The following CAPN7 variants were observed in gnomAD, a reference collection of about 807,000 sequenced individuals.
The protein encoded by CAPN7 is calpain-7.
A neutral mutation model predicts 115.2 loss-of-function variants in CAPN7; 72 were observed. That is an observed-to-expected ratio of 0.63 (90% CI 0.52 to 0.76). The LOEUF (loss-of-function observed/expected upper bound fraction) is 0.76. CAPN7 is among the 30% of genes least tolerant of loss of function. CAPN7 has a pLI of 0.00. For missense variants in CAPN7, 905 were observed against 971.5 expected, an observed-to-expected ratio of 0.93 and a Z score of 0.91; for synonymous variants, 344 against 322.3, an observed-to-expected ratio of 1.07 and a Z score of -0.72.
intron 1 of CAPN7, among the ~76,000 whole-genome samples, chr3:15,210,186 A>G (rs1489097763): frequency 6.6e-6 from 1 of 151,670 alleles, no homozygotes; most frequent in African/African-American, 2.4e-5. Context: ...TTTTCCAGAA[A>G]TGGGGATTTC....
At chr3:15,233,424 A>G (rs562458326) in intron 10 of CAPN7, among the ~76,000 whole-genome samples, 2 of 152,332 alleles carry the variant, frequency 1.3e-5, no homozygotes, top group African/African-American at 4.8e-5. Flanking sequence ...TTCCCAGCCT[A>G]TACTTTCAAT....
intron 6 of CAPN7, among the ~76,000 whole-genome samples, chr3:15,224,265 AT>A (rs113901975): frequency 0.18 from 26,274 of 145,096 alleles, 3,921 homozygotes; most frequent in African/African-American, 0.41. Flanking sequence ...GATGTCCCAA[AT>A]TTTTTTTTTT....
chr3:15,244,162 CT>C (rs1489193883), intron 16 of CAPN7, among the ~76,000 whole-genome samples: 3 of 152,156 alleles, frequency 2.0e-5, no homozygotes. Context: ...TGGTTTAAGT[CT>C]TACTTTGTTT....
At position 15,247,342 on chromosome 3, in the gene CAPN7, A is replaced by C; in HGVS notation, c.2089A>C (p.Ser697Arg). 1 of 1,572,926 alleles carries C rather than the reference A, an allele frequency of 6.4e-7. No individual in the cohort carries two copies. The highest frequency in any genetic ancestry group is 8.6e-7 in the Non-Finnish European group (1 of 1,163,920). The change falls in exon 19 of 21, where the codon AGT (serine) becomes CGT (arginine). Residue 697 changes from serine to arginine, a missense_variant. Physicochemically the swap from Ser to Arg is moderately radical, Grantham distance 110. This residue lies in a region of CAPN7 where 620 missense variants were observed against 703.4 expected (regional missense o/e 0.88). Coordinates refer to ENST00000253693, the MANE Select transcript of CAPN7 (RefSeq NM_014296.3). ...TLSKRINGKW[S>R]GQSAGGCGNF... ...TTTTTATTAGATTAATGGAAAGTGG[A>C]GTGGTCAGAGTGCTGGAGGATGTGG...
chr3:15,217,406 ATT>A lies in CAPN7; in HGVS notation c.212-11_212-10del. 1.3e-6 allele frequency: 2 copies of A among 1,539,818 alleles called. No homozygotes were observed. Among genetic ancestry groups the A allele is most frequent in the East Asian group, 2.3e-5 (1 of 42,606 alleles). ...TATTTAGATAATACTCCTTCTGCGT[ATT>A]TTTTTTTCTATCCTAGTTCAGTCAA... On this transcript the variant is annotated splice_polypyrimidine_tract_variant and intron_variant, in intron 2 of 20. Transcript: ENST00000253693.
At chr3:15,241,647 T>C (rs1695357794) in intron 15 of CAPN7, 59 bp downstream of exon 15, 2 of 1,466,054 alleles carry the variant, frequency 1.4e-6, no homozygotes, top group African/African-American at 1.4e-5. Flanking sequence ...AGTTAGAACA[T>C]TGTGAAAGAC....
At chr3:15,229,277 T>C (rs549146084) in intron 8 of CAPN7, among the ~76,000 whole-genome samples, 26 of 152,308 alleles carry the variant, frequency 1.7e-4, no homozygotes, top group African/African-American at 6.0e-4. Flanking sequence ...TTAATGTGTT[T>C]TGAAATAAAT....
At chr3:15,207,119 CA>C (rs1339263406) in intron 1 of CAPN7, among the ~76,000 whole-genome samples, 1 of 152,192 alleles carries the variant, frequency 6.6e-6, no homozygotes, top group African/African-American at 2.4e-5. Context: ...AAAGCGCTTA[CA>C]CAAGCCTGAA....
intron 9 of CAPN7, among the ~76,000 whole-genome samples, chr3:15,231,347 G>A (rs1694674718): frequency 6.6e-6 from 1 of 152,126 alleles, no homozygotes; most frequent in Non-Finnish European, 1.5e-5. Flanking sequence ...TGATGCTGAT[G>A]TTGTTGTCTA....
At chr3:15,240,686 C>T in intron 13 of CAPN7, 68 bp from the exon 14 acceptor site, 1 of 1,539,794 alleles carries the variant, frequency 6.5e-7, no homozygotes. Flanking sequence ...CAAGACAAAA[C>T]ATGTGTAACT....
chr3:15,226,032 T>A (rs529992066), intron 6 of CAPN7, among the ~76,000 whole-genome samples: 15 of 152,172 alleles, frequency 9.9e-5, no homozygotes, highest in Non-Finnish European at 1.9e-4. Flanking sequence ...ACTTTTAAAA[T>A]AATAAAATAA....
rs542945889 is a variant in CAPN7, at chr3:15,248,656, T to C, written c.2204+1199T>C. On this transcript the variant is annotated intron_variant, in intron 19 of 20. Transcript: ENST00000253693. The stretch of plus-strand genomic sequence containing the variant: ...AAATGATTAAGTTGTATATATGTTT[T>C]ACTTAAGTGTTATATTTCATAGTTT... 1.6e-3 allele frequency among the ~76,000 whole-genome samples: 251 copies of C among 152,300 alleles called. 1 individual carries two copies. The highest frequency in any genetic ancestry group is 5.3e-3 in the African/African-American group (221 of 41,556).
rs1472136322 is a variant in CAPN7 at position 15,247,462 on chromosome 3, G to A, written c.2204+5G>A. The A allele has an allele frequency of 6.3e-7, 1 of 1,580,912 alleles. No homozygotes were observed. The highest frequency in any genetic ancestry group is 1.4e-5 in the African/African-American group (1 of 72,506). On this transcript the variant is annotated splice_donor_5th_base_variant and intron_variant, in intron 19 of 20. Coordinates refer to ENST00000253693, the MANE Select transcript of CAPN7 (RefSeq NM_014296.3). ...GATTGAGCTACGAGGACCAAGGTTT[G>A]TGATGAGTAACTTTCTTAAATTAAT...
intron 1 of CAPN7, among the ~76,000 whole-genome samples, chr3:15,207,263 A>T (rs1288937299): frequency 6.6e-6 from 1 of 152,206 alleles, no homozygotes; most frequent in Non-Finnish European, 1.5e-5. Flanking sequence ...GCATCTAAAC[A>T]TAGAAAAGGT....
intron 8 of CAPN7, 87 bp downstream of exon 8, chr3:15,229,146 G>A: frequency 1.1e-6 from 1 of 894,520 alleles, no homozygotes; most frequent in Admixed American, 1.9e-5. Context: ...TATAGAAAGT[G>A]GAGAGGGCAT....
At chr3:15,215,201 G>A (rs2045178463) in intron 2 of CAPN7, among the ~76,000 whole-genome samples, 1 of 151,998 alleles carries the variant, frequency 6.6e-6, no homozygotes, top group African/African-American at 2.4e-5. Flanking sequence ...AAGGCAGAAG[G>A]GTCACTTGAG....
In CAPN7 at chr3:15,206,288, C is replaced by CG. The variant is rs1325885695; in HGVS notation, c.-208_-207insG. 1.3e-5 allele frequency: 6 copies of CG among 450,050 alleles called. No individual in the cohort carries two copies. Among genetic ancestry groups the CG allele is most frequent in the Non-Finnish European group, 1.6e-5 (4 of 253,796 alleles). 27.9% of individuals were successfully genotyped at this position (450,050 alleles called of 1,614,324 possible). A position where few individuals can be genotyped will look rare whatever the true frequency, so the allele number is the denominator to read the frequency against. On this transcript the variant is annotated 5_prime_UTR_variant, in exon 1 of 21. Coordinates refer to ENST00000253693, the MANE Select transcript of CAPN7 (RefSeq NM_014296.3). ...CGAAGTGGGGCGGCCGGGTGGGCTA[C>CG]AAGCCGGGTCTGGGCTGAGGGGCGC...
In CAPN7 at chr3:15,210,596, C is replaced by CTTTTTTTTT. The variant is rs371169868; in HGVS notation, c.103-1499_103-1491dup. Among the ~76,000 whole-genome samples the CTTTTTTTTT allele has an allele frequency of 4.4e-4, 46 of 104,422 alleles. 7 individuals carry two copies. The highest frequency in any genetic ancestry group is 2.2e-3 in the African/African-American group (36 of 16,474). 68.5% of individuals were successfully genotyped at this position (104,422 alleles called of 152,430 possible). Reference sequence around the variant, plus strand: ...TTTTCATTCCTTCCTTGCTTCCTTCCTTTTTTTTTTTTTTTTTGGACAGTA... The same window carrying CTTTTTTTTT: ...TTTTCATTCCTTCCTTGCTTCCTTCCTTTTTTTTTTTTTTTTTTTTTTTTTTGGACAGTA... On this transcript the variant is annotated intron_variant, in intron 1 of 20. Transcript: ENST00000253693.
intron 9 of CAPN7, 29 bp from the exon 10 acceptor site, chr3:15,232,490 C>A: frequency 6.4e-7 from 1 of 1,569,280 alleles, no homozygotes; most frequent in Non-Finnish European, 8.6e-7. Flanking sequence ...TTTTGTGCAC[C>A]TAAGAAGGTT....
Sources: allele counts gnomAD v4.1 joint callset (sites outside exome capture counted in the v4.1 genomes callset), GRCh38; gene constraint gnomAD v4.1.1; regional missense constraint gnomAD v4.1.1; transcripts MANE v1.5; gene names NCBI Gene and HGNC (gene_info 2026-07-23, HGNC 2026-07-21).